Variants in ADGRB3 observed in about 807,000 individuals in gnomAD.
ADGRB3 encodes brain-specific angiogenesis inhibitor 3.
Under a neutral mutation model 193.4 loss-of-function variants are expected in ADGRB3, and 37 were observed. The observed-to-expected ratio is 0.19, with a 90% confidence interval of 0.15 to 0.25. The LOEUF is 0.25. ADGRB3 is among the 10% of genes least tolerant of loss of function. The probability of loss-of-function intolerance (pLI) is 1.00; values close to 1 mark genes in which losing one functional copy is unlikely to be tolerated. For synonymous variants in ADGRB3, 690 were observed against 644.2 expected (o/e 1.07, Z -1.08); for missense variants, 1,637 against 1,852.9 (o/e 0.88, Z 2.14).
chr6:69,283,402 C>A (rs1252740098), intron 20 of ADGRB3, among the ~76,000 whole-genome samples: 1 of 152,140 alleles, frequency 6.6e-6, no homozygotes, highest in Non-Finnish European at 1.5e-5. Flanking sequence ...TGCCTCCCAG[C>A]TGATCTTTTA....
intron 26 of ADGRB3, among the ~76,000 whole-genome samples, chr6:69,350,418 A>G (rs1769197386): frequency 6.6e-6 from 1 of 152,172 alleles, no homozygotes; most frequent in African/African-American, 2.4e-5. Flanking sequence ...CTGCCTATCA[A>G]TTCAGGTGAA....
intron 11 of ADGRB3, among the ~76,000 whole-genome samples, chr6:69,011,938 C>A (rs1485103894): frequency 6.6e-6 from 1 of 152,050 alleles, no homozygotes; most frequent in African/African-American, 2.4e-5. Flanking sequence ...ACTGCCTTCC[C>A]ACTCCGATTT....
intron 13 of ADGRB3, among the ~76,000 whole-genome samples, chr6:69,043,148 C>A (rs751790925): frequency 6.6e-6 from 1 of 151,684 alleles, no homozygotes; most frequent in African/African-American, 2.4e-5. Context: ...TTTAACCTGG[C>A]TGATCTTGTG....
Position 68,732,223 on chromosome 6 carries a change from G to T in ADGRB3, c.757+92791G>T, listed in dbSNP as rs976530577. On this transcript the variant is annotated intron_variant, in intron 3 of 31. Coordinates refer to ENST00000370598, the MANE Select transcript of ADGRB3 (RefSeq NM_001704.3). ...GGTACAAGTGCAAGTTTATTACATA[G>T]ATAAACTGTGGCATGGGAGTTTGTT... Among the ~76,000 whole-genome samples the T allele has an allele frequency of 3.3e-5, 5 of 151,698 alleles. No individual in the cohort carries two copies. The South Asian group carries it at 1.0e-3, about 31-fold the overall frequency.
intron 16 of ADGRB3, among the ~76,000 whole-genome samples, chr6:69,072,348 G>T (rs1371459370): frequency 2.6e-5 from 4 of 152,134 alleles, no homozygotes; most frequent in African/African-American, 9.7e-5. Context: ...GAAGCATGCA[G>T]CAGGATCTAA....
intron 20 of ADGRB3, among the ~76,000 whole-genome samples, chr6:69,275,542 T>C (rs2127281749): frequency 6.6e-6 from 1 of 152,074 alleles, no homozygotes; most frequent in East Asian, 1.9e-4. Context: ...TATTCCTCTT[T>C]TCATCAAGAC....
At chr6:68,682,787 T>C (rs1414033545) in intron 3 of ADGRB3, among the ~76,000 whole-genome samples, 1 of 151,990 alleles carries the variant, frequency 6.6e-6, no homozygotes, top group Non-Finnish European at 1.5e-5. Flanking sequence ...TTTTTTTCTT[T>C]TTTTTTTGAG....
intron 17 of ADGRB3, among the ~76,000 whole-genome samples, chr6:69,168,880 A>G (rs1311769223): frequency 1.2e-4 from 18 of 152,106 alleles, no homozygotes; most frequent in Non-Finnish European, 4.4e-5. Flanking sequence ...ACTACAAACA[A>G]AATTTTTTAA....
At position 68,635,553 on chromosome 6, in the gene ADGRB3, A is replaced by C. The variant is rs1334587329; in HGVS notation, c.-635A>C. The C allele has an allele frequency of 6.5e-6, 1 of 154,520 alleles. No individual in the cohort carries two copies. Among genetic ancestry groups the C allele is most frequent in the Non-Finnish European group, 1.4e-5 (1 of 70,032 alleles). 9.6% of individuals were successfully genotyped at this position (154,520 alleles called of 1,614,324 possible). A position where few individuals can be genotyped will look rare whatever the true frequency, so the allele number is the denominator to read the frequency against. ...CCCACCGCCCCAACAAATCTGCCAT[A>C]GCAGCCGCCGCCGCCGCCGGTCACT... On this transcript the variant is annotated 5_prime_UTR_variant, in exon 1 of 32. Transcript: ENST00000370598.
intron 17 of ADGRB3, among the ~76,000 whole-genome samples, chr6:69,106,164 T>TAAAAAAAAAAAAAA (rs61114782): frequency 1.2e-4 from 11 of 91,066 alleles, no homozygotes; most frequent in African/African-American, 2.5e-4. Context: ...GAGACTGCGT[T>TAAAAAAAAAAAAAA]AAAAAAAAAA....
intron 20 of ADGRB3, among the ~76,000 whole-genome samples, chr6:69,259,810 T>C (rs1228930924): frequency 6.6e-6 from 1 of 151,970 alleles, no homozygotes; most frequent in African/African-American, 2.4e-5. Context: ...AAAATATTAA[T>C]GGACTCAGAT....
intron 3 of ADGRB3, among the ~76,000 whole-genome samples, chr6:68,815,340 A>G (rs1284231621): frequency 6.6e-6 from 1 of 152,174 alleles, no homozygotes; most frequent in Non-Finnish European, 1.5e-5. Flanking sequence ...TTGAATTCTT[A>G]TATAAGGTAA....
Position 68,930,641 on chromosome 6 carries a change from T to C in ADGRB3, c.840T>C (p.Ala280=), listed in dbSNP as rs1767311738. Residue 280 remains alanine, a synonymous_variant, in exon 4 of 32, where the codon GCT becomes GCC. Transcript: ENST00000370598. ...AAAAAAGGGTCCCTCAGGAACAAGC[T>C]GATGCTGCTAAATTTATGGCACAAA... ...VHEKRVPQEQ[A]DAAKFMAQTG... 1 of 1,611,054 alleles carries C rather than the reference T, an allele frequency of 6.2e-7. No individual in the cohort carries two copies. Among genetic ancestry groups the C allele is most frequent in the Non-Finnish European group, 8.5e-7 (1 of 1,178,252 alleles).
chr6:69,249,149 T>C (rs1019708482), intron 20 of ADGRB3, among the ~76,000 whole-genome samples: 1 of 152,118 alleles, frequency 6.6e-6, no homozygotes. Context: ...GGCTAATTAT[T>C]GTATTTTTAG....
In ADGRB3 at chr6:68,743,297, A is replaced by G. The variant is rs545925460; in HGVS notation, c.757+103865A>G. 1.8e-4 allele frequency among the ~76,000 whole-genome samples: 27 copies of G among 150,154 alleles called. No individual in the cohort carries two copies. In the Middle Eastern group the frequency reaches 0.011, roughly 59 times the overall value. On this transcript the variant is annotated intron_variant, in intron 3 of 31. Coordinates refer to ENST00000370598, the MANE Select transcript of ADGRB3 (RefSeq NM_001704.3). ...AGCAATGACTGTGCTCACCTTCAAT[A>G]TATCTTCTGATTTCCTAAGTTGAGA... is the stretch of plus-strand genomic sequence containing the variant.
chr6:69,388,567 T>C, intron 31 of ADGRB3, 136 bp from the exon 32 acceptor site: 2 of 754,556 alleles, frequency 2.7e-6, no homozygotes, highest in Non-Finnish European at 4.2e-6. Flanking sequence ...TTTCCCACAG[T>C]TGGCCGTATT....
intron 3 of ADGRB3, among the ~76,000 whole-genome samples, chr6:68,868,309 G>GT (rs1562063795): frequency 1.3e-5 from 2 of 152,096 alleles, no homozygotes; most frequent in African/African-American, 4.8e-5. Context: ...ACCACGTAAG[G>GT]TGTGTCTTTC....
chr6:68,937,514 T>C (rs1767514691), intron 5 of ADGRB3, among the ~76,000 whole-genome samples: 2 of 152,190 alleles, frequency 1.3e-5, no homozygotes, highest in Non-Finnish European at 2.9e-5. Flanking sequence ...TATAAACATA[T>C]TGACAGCTGC....
intron 20 of ADGRB3, among the ~76,000 whole-genome samples, chr6:69,256,293 C>A (rs1347813628): frequency 5.9e-5 from 9 of 152,076 alleles, no homozygotes; most frequent in African/African-American, 2.2e-4. Flanking sequence ...TTACCTTGGG[C>A]CGTATGGCCA....
Sources: allele counts gnomAD v4.1 joint callset (sites outside exome capture counted in the v4.1 genomes callset), GRCh38; gene constraint gnomAD v4.1.1; transcripts MANE v1.5; gene names NCBI Gene and HGNC (gene_info 2026-07-23, HGNC 2026-07-21).